Variants in ZNF536 observed in about 807,000 individuals in gnomAD.
ZNF536 encodes zinc finger protein 536.
ZNF536 carries 13 observed loss-of-function variants against 84.5 expected under a neutral mutation model. That is an observed-to-expected ratio of 0.15 (90% CI 0.10 to 0.24). ZNF536 has a LOEUF of 0.24. Among genes scored for constraint, ZNF536 ranks in the 10% least tolerant of loss-of-function variants. The pLI, the probability that ZNF536 is intolerant of heterozygous loss-of-function variation, is 1.00. For synonymous variants in ZNF536, 811 were observed against 742.5 expected, an observed-to-expected ratio of 1.09 and a Z score of -1.50; for missense variants, 1,536 against 1,747.5, an observed-to-expected ratio of 0.88 and a Z score of 2.16.
At position 30,549,104 on chromosome 19, in the gene ZNF536, C is replaced by T. The variant is rs2146237890; in HGVS notation, c.3485C>T (p.Ser1162Phe). Residue 1162 changes from serine (S) to phenylalanine (F), a missense_variant, in exon 4 of 5, where the codon TCT (serine) becomes TTT (phenylalanine). By Grantham distance (155) the Ser-to-Phe change is radical. Transcript: ENST00000355537. ...AGTAAGAACACTACTGATGACCTCTCTGACATTGCCTCCTCAGAGGACATG... is the reference window on the plus strand; with the variant it reads ...AGTAAGAACACTACTGATGACCTCTTTGACATTGCCTCCTCAGAGGACATG... Reference protein sequence around the residue: ...TTSKNTTDDLSDIASSEDMDS... With the variant: ...TTSKNTTDDLFDIASSEDMDS... The T allele has an allele frequency of 6.2e-7, 1 of 1,614,140 alleles. No homozygotes were observed. Among genetic ancestry groups the T allele is most frequent in the Non-Finnish European group, 8.5e-7 (1 of 1,180,044 alleles).
At position 30,445,261 on chromosome 19, in the gene ZNF536, G is replaced by C. The variant is rs1253781555; in HGVS notation, c.1699G>C (p.Val567Leu). Residue 567 changes from valine to leucine, a missense_variant, in exon 2 of 5, where the codon GTG becomes CTG. Transcript: ENST00000355537. The surrounding 1 kb of genome is among the most constrained non-coding windows in gnomAD (Gnocchi z 4.5). ...GTTTGATAAGGAGAAGCGGGAGTACGTGTTAGTGGGAGCAGATGGCTCCAA... is the reference window on the plus strand; with the variant it reads ...GTTTGATAAGGAGAAGCGGGAGTACCTGTTAGTGGGAGCAGATGGCTCCAA... ...VLFDKEKREY[V>L]LVGADGSKQK... is the part of the protein sequence containing the mutation. The C allele has an allele frequency of 5.0e-6, 8 of 1,614,086 alleles. No homozygotes were observed. Among genetic ancestry groups the C allele is most frequent in the South Asian group, 1.1e-5 (1 of 91,086 alleles).
intron 1 of ZNF536, among the ~76,000 whole-genome samples, chr19:30,415,311 TCTC>T (rs2050680106): frequency 7.4e-6 from 1 of 135,218 alleles, no homozygotes; most frequent in Admixed American, 7.3e-5. Flanking sequence ...TTCTTCTCCT[TCTC>T]CTTCTTCTTC....
At chr19:30,500,905 A>T (rs2054923570) in intron 2 of ZNF536, among the ~76,000 whole-genome samples, 1 of 152,164 alleles carries the variant, frequency 6.6e-6, no homozygotes. Flanking sequence ...TCGTCAGTAC[A>T]ATAGGAGTGT....
intron 1 of ZNF536, among the ~76,000 whole-genome samples, chr19:30,686,539 A>G (rs2051192003): frequency 6.6e-6 from 1 of 152,208 alleles, no homozygotes. Context: ...ACCGTGGCCC[A>G]GTGGCCCAGT....
At chr19:30,507,158 T>A (rs2055208733) in intron 2 of ZNF536, among the ~76,000 whole-genome samples, 1 of 152,178 alleles carries the variant, frequency 6.6e-6, no homozygotes, top group Non-Finnish European at 1.5e-5. Flanking sequence ...TGTCAGGAGT[T>A]TGAGACCAGC....
intron 1 of ZNF536, among the ~76,000 whole-genome samples, chr19:30,703,072 CT>C (rs1052708419): frequency 6.6e-6 from 1 of 152,142 alleles, no homozygotes; most frequent in Admixed American, 6.5e-5. Context: ...TCCGGGAGGC[CT>C]TCCCCAGGCA....
intron 2 of ZNF536, among the ~76,000 whole-genome samples, chr19:30,323,476 G>A (rs746770220): frequency 1.3e-5 from 2 of 152,300 alleles, no homozygotes; most frequent in Middle Eastern, 3.4e-3. Context: ...TGCAGGGAGA[G>A]GGGAAAAGCA....
intron 2 of ZNF536, among the ~76,000 whole-genome samples, chr19:30,446,351 C>T (rs2052346710): frequency 1.3e-5 from 2 of 151,334 alleles, no homozygotes; most frequent in African/African-American, 2.4e-5. Flanking sequence ...GCATAATCTA[C>T]CTTTTTCTTG....
chr19:30,457,614 G>A (rs2052914606), intron 2 of ZNF536, among the ~76,000 whole-genome samples: 2 of 152,230 alleles, frequency 1.3e-5, no homozygotes, highest in South Asian at 4.1e-4. Context: ...GTGAGAGGCA[G>A]GCTCCTGGCT....
At chr19:30,414,093 C>CAAAAAAAA (rs55650802) in intron 1 of ZNF536, among the ~76,000 whole-genome samples, 1 of 82,910 alleles carries the variant, frequency 1.2e-5, no homozygotes. Flanking sequence ...GACTCTGTCT[C>CAAAAAAAA]AAAAAAAAAA....
rs528778110 is a variant in ZNF536 at position 30,498,359 on chromosome 19, G to A, written c.2171-36488G>A. Among the ~76,000 whole-genome samples, 97 of 152,252 alleles carry A rather than the reference G, an allele frequency of 6.4e-4. 1 individual carries two copies. The highest frequency in any genetic ancestry group is 2.3e-3 in the African/African-American group (96 of 41,552). ...AGGAACAGAAAACCAAACACCGCAT[G>A]TTCTCACTTATAAGTGGGAGCTGAA... On this transcript the variant is annotated intron_variant, in intron 2 of 4. Transcript: ENST00000355537.
chr19:30,517,494 C>T (rs1168131766), intron 2 of ZNF536, among the ~76,000 whole-genome samples: 2 of 152,140 alleles, frequency 1.3e-5, no homozygotes, highest in East Asian at 1.9e-4. Context: ...ATGGGCTCAG[C>T]ATTGGGAGAT....
intron 1 of ZNF536, among the ~76,000 whole-genome samples, chr19:30,693,627 A>C (rs1054594032): frequency 6.6e-6 from 1 of 151,462 alleles, no homozygotes; most frequent in African/African-American, 2.4e-5. Context: ...GTTTTATTTT[A>C]TTTATTTATG....
intron 2 of ZNF536, among the ~76,000 whole-genome samples, chr19:30,530,581 A>G (rs2044764466): frequency 1.3e-5 from 2 of 152,208 alleles, no homozygotes; most frequent in Admixed American, 1.3e-4. Context: ...TCCTGACCTC[A>G]GATGATCTGC....
chr19:30,642,943 C>T (rs183151965), intron 1 of ZNF536, among the ~76,000 whole-genome samples: 1 of 152,172 alleles, frequency 6.6e-6, no homozygotes, highest in Non-Finnish European at 1.5e-5. Context: ...AGCACTGAGG[C>T]TTTCTTTTAG....
chr19:30,256,481 A>G (rs2024923699), intron 1 of ZNF536, among the ~76,000 whole-genome samples: 1 of 152,216 alleles, frequency 6.6e-6, no homozygotes, highest in African/African-American at 2.4e-5. Flanking sequence ...ATGTTTAATC[A>G]CATTTTCCAT....
chr19:30,508,953 A>G (rs1462549343), intron 2 of ZNF536, among the ~76,000 whole-genome samples: 1 of 145,410 alleles, frequency 6.9e-6, no homozygotes, highest in Non-Finnish European at 1.5e-5. Context: ...TTAACCTCCC[A>G]AGTATCTGGG....
chr19:30,447,200 T>TC (rs200977715), intron 2 of ZNF536, among the ~76,000 whole-genome samples: 3,003 of 152,164 alleles, frequency 0.02, 39 homozygotes, highest in African/African-American at 0.032. Context: ...TCTTTCTTGA[T>TC]CCCCCCCACC....
chr19:30,433,197 G>A (rs1456070491), intron 1 of ZNF536, among the ~76,000 whole-genome samples: 3 of 152,044 alleles, frequency 2.0e-5, no homozygotes, highest in Non-Finnish European at 2.9e-5. Context: ...CTCAAGGCTC[G>A]GCCAAGGCCT....
Sources: gnomAD v4.1 joint callset for allele counts (sites outside exome capture counted in the v4.1 genomes callset) on GRCh38, gnomAD v4.1.1 for gene constraint, Gnocchi (gnomAD v3.1) non-coding constraint, MANE v1.5 for transcripts, NCBI Gene and HGNC (gene_info 2026-07-23, HGNC 2026-07-21) for gene names.